Variants in POLD1 observed in about 807,000 individuals in gnomAD.
POLD1 encodes DNA polymerase delta 1, catalytic subunit, also known as DNA polymerase delta catalytic subunit.
Under a neutral mutation model 129.7 loss-of-function variants are expected in POLD1, and 79 were observed. The ratio of observed to expected loss-of-function variants is 0.61; its 90% CI spans 0.51 to 0.73. The LOEUF (loss-of-function observed/expected upper bound fraction) is 0.73. Among genes scored for constraint, POLD1 ranks in the 30% least tolerant of loss-of-function variants. The probability of loss-of-function intolerance (pLI) is 0.00; values close to 1 mark genes in which losing one functional copy is unlikely to be tolerated. For synonymous variants in POLD1, 714 were observed against 683.3 expected (o/e 1.04, Z -0.70); for missense variants, 1,338 against 1,595.8 (o/e 0.84, Z 2.75).
chr19:50,414,749 G>A, intron 19 of POLD1, 66 bp from the exon 20 acceptor site: 1 of 1,309,650 alleles, frequency 7.6e-7, no homozygotes, highest in Non-Finnish European at 1.0e-6. Context: ...TCAGTTTCTG[G>A]GGGGCGTCTC....
chr19:50,406,552 T>G lies in POLD1; in HGVS notation c.1494+35T>G, dbSNP rs1323317863. 3.4e-6 allele frequency: 5 copies of G among 1,459,872 alleles called. No homozygotes were observed. Among genetic ancestry groups the G allele is most frequent in the Non-Finnish European group, 4.7e-6 (5 of 1,064,128 alleles). 90.4% of individuals were successfully genotyped at this position (1,459,872 alleles called of 1,614,324 possible). On this transcript the variant is annotated intron_variant, in intron 12 of 26. Coordinates refer to ENST00000440232, the MANE Select transcript of POLD1 (RefSeq NM_002691.4). This position sits in a 1 kb window ranked among gnomAD's most constrained non-coding sequence, Gnocchi z 5.5. ...GCCTCCCTGACCTCTCACCCCAACC[T>G]CTGACCTCCACCTCACCCTTCCCCG...
At chr19:50,415,922 G>A (rs1385260426) in intron 22 of POLD1, 96 bp downstream of exon 22, 30 of 961,864 alleles carry the variant, frequency 3.1e-5, no homozygotes, top group Non-Finnish European at 3.8e-5. Flanking sequence ...GGGGCCTCCC[G>A]TGCCCTGTGG....
In POLD1 at chr19:50,406,180, A is replaced by G. The variant is rs2038870679; in HGVS notation, c.1243-2A>G. The G allele has an allele frequency of 1.2e-6, 2 of 1,611,628 alleles. No individual in the cohort carries two copies. The highest frequency in any genetic ancestry group is 1.7e-6 in the Non-Finnish European group (2 of 1,178,222). On this transcript the variant is annotated splice_acceptor_variant, in intron 10 of 26. Coordinates refer to ENST00000440232, the MANE Select transcript of POLD1 (RefSeq NM_002691.4). LOFTEE classifies it high-confidence loss of function. This position sits in a 1 kb window ranked among gnomAD's most constrained non-coding sequence, Gnocchi z 5.5. ...GCTGCACACCCTGCCTCTCCTCCTC[A>G]GGTACAAACATTCCCTTTCCTGGGC...
At chr19:50,416,034 G>T in intron 22 of POLD1, 2 of 581,774 alleles carry the variant, frequency 3.4e-6, no homozygotes, top group South Asian at 2.2e-5. Context: ...TATGGAAGGG[G>T]CCCCAGTCCC....
intron 9 of POLD1, 100 bp downstream of exon 9, chr19:50,403,319 G>T: frequency 1.6e-6 from 2 of 1,273,010 alleles, no homozygotes. Flanking sequence ...CATGTCTGTG[G>T]GTCTGGGTGG....
intron 2 of POLD1, 98 bp downstream of exon 2, chr19:50,399,151 T>C: frequency 6.5e-7 from 1 of 1,527,590 alleles, no homozygotes. Context: ...GTGACCCCAC[T>C]CTGGCCAATT....
chr19:50,415,425 C>G lies in POLD1; in HGVS notation c.2565-13C>G, dbSNP rs559638270. On this transcript the variant is annotated splice_polypyrimidine_tract_variant and intron_variant, in intron 20 of 26. Coordinates refer to ENST00000440232, the MANE Select transcript of POLD1 (RefSeq NM_002691.4). ...TGCCTTTTGGTGACGCTGTGCGGCC[C>G]GCTCTCCTACAGAGACCCTGAGGGC... 8 of 1,605,416 alleles carry G rather than the reference C, an allele frequency of 5.0e-6. No homozygotes were observed. Among genetic ancestry groups the G allele is most frequent in the Non-Finnish European group, 6.8e-6 (8 of 1,174,474 alleles).
At chr19:50,399,519 C>T in intron 3 of POLD1, 35 bp downstream of exon 3, 2 of 1,493,128 alleles carry the variant, frequency 1.3e-6, no homozygotes, top group East Asian at 2.3e-5. Flanking sequence ...TGCTGGGGCC[C>T]TGCGCTCCTG....
intron 24 of POLD1, 125 bp downstream of exon 24, chr19:50,416,848 G>A (rs1601248129): frequency 2.1e-6 from 2 of 943,752 alleles, no homozygotes; most frequent in East Asian, 2.6e-5. Context: ...CTGGGTGGGT[G>A]GCCCCTGTCT....
At chr19:50,400,522 A>ATTTTTTTTTTTTTT (rs1016107364) in intron 3 of POLD1, among the ~76,000 whole-genome samples, 3 of 63,518 alleles carry the variant, frequency 4.7e-5, no homozygotes, top group African/African-American at 1.7e-4. Context: ...TGCCCCGCCT[A>ATTTTTTTTTTTTTT]TTTTTTTTTT....
rs191247011 is a variant in POLD1 at position 50,407,797 on chromosome 19, G to A, written c.1775+382G>A. Among the ~76,000 whole-genome samples the A allele has an allele frequency of 9.4e-3, 1,349 of 143,012 alleles. 24 individuals carry two copies. The highest frequency in any genetic ancestry group is 0.029 in the African/African-American group (1,093 of 37,974). 93.8% of individuals were successfully genotyped at this position (143,012 alleles called of 152,430 possible). ...TCACCGTGTTAGCCAGGATGGTCTC[G>A]ATCTGACCTCGTGATCCACCTGCCT... On this transcript the variant is annotated intron_variant, in intron 14 of 26. Transcript: ENST00000440232.
intron 17 of POLD1, among the ~76,000 whole-genome samples, chr19:50,410,037 G>A (rs562946631): frequency 6.6e-6 from 1 of 152,156 alleles, no homozygotes. Flanking sequence ...GCGGACTGTC[G>A]GGGAGTGATG....
At chr19:50,415,947 C>A in intron 22 of POLD1, 121 bp downstream of exon 22, 1 of 702,388 alleles carries the variant, frequency 1.4e-6, no homozygotes, top group Non-Finnish European at 2.3e-6. Flanking sequence ...CTGAGAACCG[C>A]CCCCCATGGC....
chr19:50,402,829 G>C (rs1388764287), intron 8 of POLD1, 88 bp downstream of exon 8: 3 of 1,505,136 alleles, frequency 2.0e-6, no homozygotes, highest in South Asian at 1.3e-5. Context: ...GGAATGGCAA[G>C]CATGAAGGTG....
rs1219450171 is a variant in POLD1, at chr19:50,399,462, G to A, written c.294G>A (p.Gln98=). The change falls in exon 3 of 27, where the codon CAG becomes CAA. Residue 98 remains glutamine (Q), a synonymous_variant. Coordinates refer to ENST00000440232, the MANE Select transcript of POLD1 (RefSeq NM_002691.4). ...DPQTEPLIFQ[Q]LEIDHYVGPA... ...AGACAGAGCCCCTCATCTTCCAACA[G>A]TTGGAGATTGACCATTATGTGGGTG... The A allele has an allele frequency of 6.2e-7, 1 of 1,613,326 alleles. No individual in the cohort carries two copies. Among genetic ancestry groups the A allele is most frequent in the South Asian group, 1.1e-5 (1 of 91,070 alleles).
rs764024488 is a variant in POLD1 at position 50,398,817 on chromosome 19, C to A, written c.-1-34C>A. 22 of 1,598,584 alleles carry A rather than the reference C, an allele frequency of 1.4e-5. 1 individual carries two copies. The Middle Eastern group carries it at 6.8e-4, about 49-fold the overall frequency. ...AGACAGGGTAAGAGGTGTCTCCGGT[C>A]AGAACCTCCACCAAGCTCCAACTTG... On this transcript the variant is annotated intron_variant, in intron 1 of 26. Coordinates refer to ENST00000440232, the MANE Select transcript of POLD1 (RefSeq NM_002691.4).
At chr19:50,400,936 TCCGC>T (rs531940922) in intron 3 of POLD1, among the ~76,000 whole-genome samples, 1,523 of 151,458 alleles carry the variant, frequency 0.01, 19 homozygotes, top group African/African-American at 0.034. Context: ...GACCTCGTGA[TCCGC>T]CCGCCTCAGC....
At chr19:50,408,587 T>C in intron 14 of POLD1, 198 bp from the exon 15 acceptor site, 1 of 788,956 alleles carries the variant, frequency 1.3e-6, no homozygotes, top group Non-Finnish European at 2.0e-6. Context: ...TTTGCCATGT[T>C]GCCCAGGCTG....
At chr19:50,396,507 T>C (rs562062594) in intron 1 of POLD1, among the ~76,000 whole-genome samples, 30 of 152,024 alleles carry the variant, frequency 2.0e-4, no homozygotes, top group African/African-American at 7.2e-4. Context: ...AGATGGAGTC[T>C]CGCTCTGTTG....
Sources: gnomAD v4.1 joint callset for allele counts (sites outside exome capture counted in the v4.1 genomes callset) on GRCh38, gnomAD v4.1.1 for gene constraint, Gnocchi (gnomAD v3.1) non-coding constraint, MANE v1.5 for transcripts, NCBI Gene and HGNC (gene_info 2026-07-23, HGNC 2026-07-21) for gene names.